Variants in SORBS2 observed in about 807,000 individuals in gnomAD.
SORBS2 encodes the protein sorbin and SH3 domain containing 2.
In SORBS2, 46 loss-of-function variants were observed where a neutral mutation model predicts 97.7. The observed-to-expected ratio is 0.47, with a 90% CI of 0.37 to 0.60. The LOEUF is 0.60. SORBS2 is among the 20% of genes least tolerant of loss of function. SORBS2 has a pLI of 0.00. For synonymous variants in SORBS2, 476 were observed against 473.4 expected (o/e 1.01, Z -0.07); for missense variants, 1,316 against 1,282.3 (o/e 1.03, Z -0.40).
At chr4:185,814,216 C>T (rs576555080) in intron 1 of SORBS2, among the ~76,000 whole-genome samples, 1 of 152,134 alleles carries the variant, frequency 6.6e-6, no homozygotes, top group Non-Finnish European at 1.5e-5. Context: ...TCTTTATACC[C>T]TCACACTTGA....
At chr4:185,669,984 T>C (rs1031674828) in intron 4 of SORBS2, among the ~76,000 whole-genome samples, 8 of 152,260 alleles carry the variant, frequency 5.3e-5, no homozygotes, top group Middle Eastern at 3.4e-3. Flanking sequence ...TTTGGGAGGC[T>C]GAGGCGGGCA....
intron 1 of SORBS2, among the ~76,000 whole-genome samples, chr4:185,867,855 G>A (rs1422249119): frequency 2.6e-5 from 4 of 152,064 alleles, no homozygotes; most frequent in Non-Finnish European, 5.9e-5. Context: ...CCTACACCTC[G>A]AGGGGGCACC....
intron 1 of SORBS2, among the ~76,000 whole-genome samples, chr4:185,899,937 A>G (rs762354243): frequency 6.6e-6 from 1 of 152,196 alleles, no homozygotes; most frequent in Non-Finnish European, 1.5e-5. Flanking sequence ...GGGTTGATCT[A>G]AGATAGAGGC....
rs552387428 is a variant in SORBS2 at position 185,866,390 on chromosome 4, A to G, written c.-338+89806T>C. Among the ~76,000 whole-genome samples the G allele has an allele frequency of 3.3e-5, 5 of 152,334 alleles. No homozygotes were observed. The South Asian group carries it at 1.0e-3, about 32-fold the overall frequency. On this transcript the variant is annotated intron_variant, in intron 1 of 20. Transcript: ENST00000284776. ...TTTAAATTAAACACTTTGCCTTGGA[A>G]CTGGGTTTTACTTAAATAGAACTGT...
chr4:185,644,776 C>T (rs933830344), intron 4 of SORBS2, among the ~76,000 whole-genome samples: 1 of 152,156 alleles, frequency 6.6e-6, no homozygotes, highest in Non-Finnish European at 1.5e-5. Context: ...ATTATTATTG[C>T]TATTGTAAAA....
chr4:185,648,773 C>T (rs1350273188), intron 3 of SORBS2, among the ~76,000 whole-genome samples: 1 of 152,086 alleles, frequency 6.6e-6, no homozygotes, highest in East Asian at 1.9e-4. Context: ...CAGTTTCTTC[C>T]TCTTTAAAAT....
chr4:185,716,370 C>T lies in SORBS2; in HGVS notation c.-197-37548G>A, dbSNP rs137956732. On this transcript the variant is annotated intron_variant, in intron 2 of 20. Coordinates refer to the SORBS2 transcript ENST00000284776. ...AAACAGGGATAACAACGGTGCCAACCTCCTGGGGTGGCTGAAGGACCCAGT... is the reference window on the plus strand; with the variant it reads ...AAACAGGGATAACAACGGTGCCAACTTCCTGGGGTGGCTGAAGGACCCAGT... Among the ~76,000 whole-genome samples the T allele has an allele frequency of 3.3e-5, 5 of 152,356 alleles. No individual in the cohort carries two copies. In the East Asian group the frequency reaches 9.6e-4, roughly 29 times the overall value.
At chr4:185,632,793 AG>A (rs1232652872) in intron 4 of SORBS2, among the ~76,000 whole-genome samples, 3 of 152,258 alleles carry the variant, frequency 2.0e-5, no homozygotes, top group Non-Finnish European at 4.4e-5. Flanking sequence ...TTTTAGGGTT[AG>A]GCTAAGAAAC....
intron 2 of SORBS2, chr4:185,770,973 T>C (rs1014634905): frequency 1.5e-5 from 2 of 130,558 alleles, no homozygotes; most frequent in African/African-American, 5.7e-5. Context: ...TTTCATCGTT[T>C]CCTTTTTTTT....
chr4:185,653,877 C>T (rs2097353475), intron 1 of SORBS2, among the ~76,000 whole-genome samples: 1 of 152,162 alleles, frequency 6.6e-6, no homozygotes, highest in African/African-American at 2.4e-5. Context: ...CTAAACACAC[C>T]AGACGTTCCA....
intron 6 of SORBS2, among the ~76,000 whole-genome samples, chr4:185,626,201 G>A (rs752842076): frequency 3.3e-5 from 5 of 152,192 alleles, no homozygotes; most frequent in Non-Finnish European, 7.3e-5. Context: ...AAAAGGCTTG[G>A]TGATTCCTCA....
chr4:185,726,039 T>G (rs2098552687), intron 2 of SORBS2, among the ~76,000 whole-genome samples: 1 of 152,182 alleles, frequency 6.6e-6, no homozygotes, highest in African/African-American at 2.4e-5. Flanking sequence ...GATGCCTACA[T>G]TGTGTCAGAT....
exon 3 of SORBS2, chr4:185,649,486 C>A: frequency 6.3e-7 from 1 of 1,586,720 alleles, no homozygotes. Flanking sequence ...GAAGACCGAT[C>A]TCTTGGTCGA....
intron 4 of SORBS2, among the ~76,000 whole-genome samples, chr4:185,632,527 C>T (rs191256459): frequency 1.3e-5 from 2 of 152,240 alleles, no homozygotes; most frequent in Admixed American, 6.5e-5. Context: ...AAAATCAGAT[C>T]GTTATATTAC....
At chr4:185,932,019 GATAGAT>G (rs1187117861) in intron 1 of SORBS2, among the ~76,000 whole-genome samples, 116 of 150,184 alleles carry the variant, frequency 7.7e-4, no homozygotes, top group Non-Finnish European at 1.3e-3. Context: ...TATATATATA[GATAGAT>G]ATAGATATAG....
At chr4:185,897,381 A>T (rs2099245543) in intron 1 of SORBS2, among the ~76,000 whole-genome samples, 1 of 152,070 alleles carries the variant, frequency 6.6e-6, no homozygotes, top group Admixed American at 6.5e-5. Context: ...GGGTGTCCCC[A>T]CTCAGTCTAT....
chr4:185,947,004 C>T (rs2099274848), intron 1 of SORBS2, among the ~76,000 whole-genome samples: 1 of 152,194 alleles, frequency 6.6e-6, no homozygotes, highest in African/African-American at 2.4e-5. Context: ...CTCACCTCCT[C>T]CCATCAATTT....
rs1444433836 is a variant in SORBS2, at chr4:185,623,945, C to A, written c.1184G>T (p.Arg395Leu). The A allele has an allele frequency of 2.5e-6, 4 of 1,614,088 alleles. No homozygotes were observed. The highest frequency in any genetic ancestry group is 1.1e-5 in the South Asian group (1 of 91,086). ...CTCCGTGGAGCACTGGCTCCAGGCG[C>A]GCAGCAGGTCCTTGTGCTGCTGCTC... is the stretch of plus-strand genomic sequence containing the variant. The change falls in exon 7 of 15, where the codon CGC (arginine) becomes CTC (leucine). Residue 395 changes from arginine to leucine, a missense_variant. Physicochemically the swap from Arg to Leu is moderately radical, Grantham distance 102 (BLOSUM62 -2). Coordinates refer to ENST00000418609, the Ensembl canonical transcript of SORBS2. The surrounding 1 kb of genome is among the most constrained non-coding windows in gnomAD (Gnocchi z 6.4).
At chr4:185,791,931 C>G (rs2099082077) in intron 1 of SORBS2, among the ~76,000 whole-genome samples, 1 of 152,188 alleles carries the variant, frequency 6.6e-6, no homozygotes, top group African/African-American at 2.4e-5. Flanking sequence ...AGTAAACAGA[C>G]AGGCCCCCTG....
Sources: allele counts gnomAD v4.1 joint callset (sites outside exome capture counted in the v4.1 genomes callset), GRCh38; gene constraint gnomAD v4.1.1; non-coding constraint Gnocchi (gnomAD v3.1); transcripts MANE v1.5; gene names NCBI Gene and HGNC (gene_info 2026-07-23, HGNC 2026-07-21).